The following STAM variants were observed in gnomAD, a reference collection of about 807,000 sequenced individuals.
STAM encodes signal transducing adaptor molecule.
A neutral mutation model predicts 63.4 loss-of-function variants in STAM; 16 were observed. The ratio of observed to expected loss-of-function variants is 0.25; its 90% CI spans 0.17 to 0.38. The LOEUF (loss-of-function observed/expected upper bound fraction) is 0.38, where lower values mean the gene tolerates loss of function less well. STAM is among the 10% of genes least tolerant of loss of function. The probability of loss-of-function intolerance (pLI) is 1.00; values close to 1 mark genes in which losing one functional copy is unlikely to be tolerated. For missense variants in STAM, 636 were observed against 657.1 expected (o/e 0.97, Z 0.35); for synonymous variants, 238 against 223.9 (o/e 1.06, Z -0.56).
chr10:17,685,687 T>C (rs932926072), intron 4 of STAM, among the ~76,000 whole-genome samples: 24 of 152,244 alleles, frequency 1.6e-4, no homozygotes, highest in African/African-American at 5.8e-4. Context: ...AGGCCCCAGT[T>C]TGGGTCCAAA....
At chr10:17,679,744 TA>T (rs1589063771) in intron 2 of STAM, among the ~76,000 whole-genome samples, 1 of 151,976 alleles carries the variant, frequency 6.6e-6, no homozygotes, top group African/African-American at 2.4e-5. Context: ...TGTTTCTTCT[TA>T]AGTCAGTTTC....
At chr10:17,693,889 GT>G (rs142445923) in intron 6 of STAM, among the ~76,000 whole-genome samples, 18,428 of 152,136 alleles carry the variant, frequency 0.12, 1,219 homozygotes, top group African/African-American at 0.16. Context: ...TTAAATGGTT[GT>G]TATGATTTCC....
Position 17,692,374 on chromosome 10 carries a change from G to C in STAM, c.445-848G>C, listed in dbSNP as rs7083558. On this transcript the variant is annotated intron_variant, in intron 5 of 13. Coordinates refer to ENST00000377524, the MANE Select transcript of STAM (RefSeq NM_003473.4). ...GACTGATGTGTTCAAACTCAAAAGG[G>C]AAAAAGTGAACGGAGCAAAGGAGCC... 4.1e-3 allele frequency among the ~76,000 whole-genome samples: 631 copies of C among 152,310 alleles called. 7 individuals carry two copies. Among genetic ancestry groups the C allele is most frequent in the African/African-American group, 0.015 (612 of 41,564 alleles).
At chr10:17,695,589 A>G (rs892967059) in intron 7 of STAM, 2 of 170,108 alleles carry the variant, frequency 1.2e-5, no homozygotes, top group Admixed American at 6.0e-5. Flanking sequence ...TAAGAAATAT[A>G]TAATCTATTG....
At position 17,644,217 on chromosome 10, in the gene STAM, G is replaced by A; in HGVS notation, c.-123G>A. On this transcript the variant is annotated 5_prime_UTR_variant, in exon 1 of 14. Coordinates refer to ENST00000377524, the MANE Select transcript of STAM (RefSeq NM_003473.4). ...GGGTTGGGTGAGAGGAGGAGCTGTC[G>A]CGGACCCTGTAGAGTCGGTCTCTGT... 1 of 1,069,394 alleles carries A rather than the reference G, an allele frequency of 9.4e-7. No individual in the cohort carries two copies. The highest frequency in any genetic ancestry group is 1.4e-6 in the Non-Finnish European group (1 of 711,018). 66.2% of individuals were successfully genotyped at this position (1,069,394 alleles called of 1,614,324 possible).
intron 2 of STAM, among the ~76,000 whole-genome samples, chr10:17,662,864 GT>G (rs1554823032): frequency 6.6e-6 from 1 of 152,186 alleles, no homozygotes; most frequent in African/African-American, 2.4e-5. Context: ...GTCATATTTT[GT>G]GACAGTTTCT....
intron 4 of STAM, among the ~76,000 whole-genome samples, chr10:17,685,911 A>C (rs1300759262): frequency 6.6e-6 from 1 of 152,186 alleles, no homozygotes; most frequent in African/African-American, 2.4e-5. Context: ...TCTAAAAGTA[A>C]TTATTTTTGG....
intron 2 of STAM, among the ~76,000 whole-genome samples, chr10:17,674,614 C>T (rs971791264): frequency 4.6e-5 from 7 of 152,142 alleles, no homozygotes; most frequent in African/African-American, 1.4e-4. Flanking sequence ...CAAATGTACT[C>T]CACATGGCTT....
At position 17,693,219 on chromosome 10, in the gene STAM, T is replaced by C. The variant is rs782389768; in HGVS notation, c.445-3T>C. The C allele has an allele frequency of 5.0e-6, 8 of 1,612,748 alleles. No homozygotes were observed. The highest frequency in any genetic ancestry group is 1.3e-5 in the African/African-American group (1 of 74,844). On this transcript the variant is annotated splice_polypyrimidine_tract_variant and splice_region_variant and intron_variant, in intron 5 of 13. Transcript: ENST00000377524. ...CAAATACTGTGTTCCTCTTTTTTGTTAGGCTGCAGAACAAGCAAAAGCAAG... is the reference window on the plus strand; with the variant it reads ...CAAATACTGTGTTCCTCTTTTTTGTCAGGCTGCAGAACAAGCAAAAGCAAG...
intron 1 of STAM, among the ~76,000 whole-genome samples, chr10:17,660,030 A>G (rs1834098460): frequency 6.6e-6 from 1 of 151,252 alleles, no homozygotes; most frequent in African/African-American, 2.4e-5. Context: ...TCTTTCCTTC[A>G]GTCCCCTCTC....
intron 12 of STAM, 139 bp downstream of exon 12, chr10:17,705,880 T>C (rs58504059): frequency 0.071 from 46,550 of 658,084 alleles, 1,917 homozygotes; most frequent in Middle Eastern, 0.13. Context: ...CCAGCCTGGG[T>C]AACATAGTGA....
chr10:17,705,868 G>C, intron 12 of STAM, 127 bp downstream of exon 12: 1 of 757,952 alleles, frequency 1.3e-6, no homozygotes. Context: ...AGGAGTTTAA[G>C]ACCAGCCTGG....
At chr10:17,714,467 A>G in intron 13 of STAM, 76 bp from the exon 14 acceptor site, 1 of 1,357,902 alleles carries the variant, frequency 7.4e-7, no homozygotes, top group Non-Finnish European at 1.1e-6. Context: ...AATGCTTAGT[A>G]AATAGCTTTT....
At chr10:17,645,685 C>T (rs1833493044) in intron 1 of STAM, among the ~76,000 whole-genome samples, 1 of 152,060 alleles carries the variant, frequency 6.6e-6, no homozygotes, top group African/African-American at 2.4e-5. Flanking sequence ...CCTTGGAGAT[C>T]ACCGATTATA....
chr10:17,705,490 C>T (rs1836219589), intron 11 of STAM, 98 bp from the exon 12 acceptor site: 1 of 1,351,572 alleles, frequency 7.4e-7, no homozygotes, highest in Non-Finnish European at 1.0e-6. Context: ...TCTACTAGTA[C>T]TACTTTTTGC....
At chr10:17,713,712 G>A (rs907952991) in intron 13 of STAM, among the ~76,000 whole-genome samples, 12 of 151,926 alleles carry the variant, frequency 7.9e-5, no homozygotes, top group African/African-American at 2.9e-4. Flanking sequence ...TTACTGCCGT[G>A]GCTCTTCTGC....
chr10:17,669,884 C>CTTTTTTTTTTTTTTTTT (rs76381388), intron 2 of STAM, among the ~76,000 whole-genome samples: 13 of 120,750 alleles, frequency 1.1e-4, no homozygotes, highest in Non-Finnish European at 1.3e-4. Context: ...CTTTTCTTTT[C>CTTTTTTTTTTTTTTTTT]TTTTTTTTTT....
At chr10:17,708,445 T>C (rs559211738) in intron 12 of STAM, among the ~76,000 whole-genome samples, 3 of 152,298 alleles carry the variant, frequency 2.0e-5, no homozygotes, top group African/African-American at 7.2e-5. Flanking sequence ...TAAATATCCT[T>C]TGGGATTCCT....
chr10:17,660,621 T>G (rs1834128651), intron 2 of STAM, 73 bp downstream of exon 2: 3 of 1,215,088 alleles, frequency 2.5e-6, no homozygotes, highest in Non-Finnish European at 3.5e-6. Flanking sequence ...TGCAGTGGCT[T>G]GCACCTGTAG....
Sources: allele counts gnomAD v4.1 joint callset (sites outside exome capture counted in the v4.1 genomes callset), GRCh38; gene constraint gnomAD v4.1.1; transcripts MANE v1.5; gene names NCBI Gene and HGNC (gene_info 2026-07-23, HGNC 2026-07-21).